Variants in PCDHA2 observed in about 807,000 individuals in gnomAD.
PCDHA2 encodes the protein protocadherin alpha-2.
PCDHA2 carries 58 observed loss-of-function variants against 66.0 expected under a neutral mutation model. The observed-to-expected ratio is 0.88, with a 90% confidence interval of 0.71 to 1.09. The LOEUF is 1.09. PCDHA2 is among the 50% of genes least tolerant of loss of function. PCDHA2 has a pLI of 0.00. For missense variants in PCDHA2, 1,267 were observed against 1,242.3 expected, an observed-to-expected ratio of 1.02 and a Z score of -0.30; for synonymous variants, 634 against 554.0, an observed-to-expected ratio of 1.14 and a Z score of -2.03.
intron 1 of PCDHA2, chr5:140,865,687 A>G (rs924237080): frequency 3.3e-5 from 5 of 152,204 alleles, no homozygotes; most frequent in African/African-American, 1.2e-4. Flanking sequence ...AGTACATATG[A>G]CTGTTCCAAT....
rs1439060369 is a variant in PCDHA2, at chr5:140,850,679, C to T, written c.2388+53327C>T. On this transcript the variant is annotated intron_variant, in intron 1 of 3. Transcript: ENST00000526136. ...TGCTGCGGTGCTCGGCGATGCCCAC[C>T]GAGGGCGAGTGCGCGCCTGGCAAGC... The T allele has an allele frequency of 1.4e-5, 22 of 1,598,378 alleles. 1 individual carries two copies. The highest frequency in any genetic ancestry group is 3.4e-5 in the Admixed American group (2 of 59,276).
In PCDHA2 at chr5:140,829,466, G is replaced by A. The variant is rs2150168443; in HGVS notation, c.2388+32114G>A. 7 of 1,613,764 alleles carry A rather than the reference G, an allele frequency of 4.3e-6. No individual in the cohort carries two copies. The Admixed American group carries it at 5.0e-5, about 12-fold the overall frequency. ...CAATGCTCCGGCGTTCGCGCAGCCC[G>A]AGTACACAGTGTTCGTGAAGGAGAA... On this transcript the variant is annotated intron_variant, in intron 1 of 3. Transcript: ENST00000526136.
At chr5:140,829,332 A>G in intron 1 of PCDHA2, 1 of 1,614,236 alleles carries the variant, frequency 6.2e-7, no homozygotes, top group Non-Finnish European at 8.5e-7. Context: ...AGTGCCCTGG[A>G]CCGCGAGAGC....
intron 1 of PCDHA2, chr5:140,842,268 A>G (rs1554138931): frequency 2.5e-6 from 4 of 1,610,534 alleles, no homozygotes. Flanking sequence ...GAAAACTTAT[A>G]CAAAATCCTC....
At chr5:140,967,057 A>T (rs1554229122) in intron 1 of PCDHA2, 1 of 1,612,704 alleles carries the variant, frequency 6.2e-7, no homozygotes, top group South Asian at 1.1e-5. Context: ...TGACGAGTGG[A>T]GCGCTCTTCG....
At chr5:140,843,846 C>A in intron 1 of PCDHA2, 3 of 993,808 alleles carry the variant, frequency 3.0e-6, no homozygotes, top group Non-Finnish European at 4.4e-6. Context: ...TTTTAGAAAC[C>A]TTTTATAATT....
At chr5:140,841,244 G>C (rs2150312365) in intron 1 of PCDHA2, 34 of 1,496,206 alleles carry the variant, frequency 2.3e-5, no homozygotes, top group South Asian at 2.7e-5. Flanking sequence ...CAGCGGAATT[G>C]GATTAAAAGA....
chr5:140,871,328 G>T (rs374687707), intron 1 of PCDHA2: 4 of 1,614,128 alleles, frequency 2.5e-6, no homozygotes, highest in African/African-American at 1.3e-5. Context: ...GTGTGCTCCC[G>T]CGCGGTGGGG....
rs1249869440 is a variant in PCDHA2, at chr5:140,805,568, T to C, written c.2388+8216T>C. The C allele has an allele frequency of 3.1e-6, 3 of 964,158 alleles. No individual in the cohort carries two copies. In the African/African-American group the frequency reaches 5.3e-5, roughly 17 times the overall value. The allele number at this position is 964,158 out of a possible 1,614,324, so 59.7% of individuals were successfully genotyped here. A position where few individuals can be genotyped will look rare whatever the true frequency, so the allele number is the denominator to read the frequency against. On this transcript the variant is annotated intron_variant, in intron 1 of 3. Transcript: ENST00000526136. Reference sequence around the variant, plus strand: ...TATGGATATAGGAGGCAAGGAAAGTTTTTAAATGGCTACCATTATGTCTTT... The same window carrying C: ...TATGGATATAGGAGGCAAGGAAAGTCTTTAAATGGCTACCATTATGTCTTT...
Position 140,875,657 on chromosome 5 carries a change from G to T in PCDHA2, c.2388+78305G>T, listed in dbSNP as rs1241102848. 6 of 1,613,738 alleles carry T rather than the reference G, an allele frequency of 3.7e-6. No homozygotes were observed. The East Asian group carries it at 1.1e-4, about 30-fold the overall frequency. Reference sequence around the variant, plus strand: ...CTGGAGCTGGCGGAGCTGGTGCCGCGCCTGTTCCGGGTGGCGTCCAAAAGA... The same window carrying T: ...CTGGAGCTGGCGGAGCTGGTGCCGCTCCTGTTCCGGGTGGCGTCCAAAAGA... On this transcript the variant is annotated intron_variant, in intron 1 of 3. Coordinates refer to ENST00000526136, the MANE Select transcript of PCDHA2 (RefSeq NM_018905.3).
chr5:140,842,208 A>C, intron 1 of PCDHA2: 1 of 1,613,638 alleles, frequency 6.2e-7, no homozygotes, highest in Non-Finnish European at 8.5e-7. Flanking sequence ...TTTAGCATAG[A>C]TCGAAATACG....
intron 3 of PCDHA2, among the ~76,000 whole-genome samples, chr5:140,999,721 G>T (rs2097872214): frequency 6.6e-6 from 1 of 152,150 alleles, no homozygotes; most frequent in South Asian, 2.1e-4. Flanking sequence ...ACGGAGACCA[G>T]CCATTCCAAT....
At chr5:140,822,934 T>G in intron 1 of PCDHA2, 10 of 1,614,238 alleles carry the variant, frequency 6.2e-6, no homozygotes, top group Non-Finnish European at 6.8e-6. Flanking sequence ...GGTGACCTGC[T>G]CCCTAATGCC....
At chr5:140,830,407 T>C in intron 1 of PCDHA2, 4 of 1,614,170 alleles carry the variant, frequency 2.5e-6, no homozygotes, top group South Asian at 2.2e-5. Flanking sequence ...TCATGGCCTT[T>C]AGCCCCAGCC....
At chr5:140,853,141 A>G in intron 1 of PCDHA2, 1 of 767,574 alleles carries the variant, frequency 1.3e-6, no homozygotes, top group Non-Finnish European at 1.6e-6. Flanking sequence ...AGCCTCCCAA[A>G]ATGCTGGGAT....
At chr5:140,928,890 CTT>C in intron 1 of PCDHA2, 1 of 1,614,182 alleles carries the variant, frequency 6.2e-7, no homozygotes, top group South Asian at 1.1e-5. Context: ...TACTTCCAGA[CTT>C]TGAAGATGTC....
Position 140,913,476 on chromosome 5 carries a change from T to G in PCDHA2, c.2389-65473T>G, listed in dbSNP as rs191224245. On this transcript the variant is annotated intron_variant, in intron 1 of 3. Transcript: ENST00000526136. ...TTTATTTACTTGGGTCTTCTCTCTT[T>G]TTTTCTTCATTAGTCTGTTTAAAAC... Among the ~76,000 whole-genome samples the G allele has an allele frequency of 5.9e-3, 899 of 152,286 alleles. 12 individuals carry two copies. Among genetic ancestry groups the G allele is most frequent in the African/African-American group, 0.02 (842 of 41,576 alleles).
intron 1 of PCDHA2, among the ~76,000 whole-genome samples, chr5:140,921,475 A>G (rs1323812887): frequency 6.6e-6 from 1 of 152,074 alleles, no homozygotes; most frequent in Non-Finnish European, 1.5e-5. Context: ...CTACCAAACC[A>G]CTCTACCTGA....
chr5:140,823,932 G>T (rs2150130492), intron 1 of PCDHA2: 2 of 1,613,980 alleles, frequency 1.2e-6, no homozygotes, highest in South Asian at 2.2e-5. Context: ...TGTACACCGC[G>T]CTGCGGTGCT....
Sources: allele counts gnomAD v4.1 joint callset (sites outside exome capture counted in the v4.1 genomes callset), GRCh38; gene constraint gnomAD v4.1.1; transcripts MANE v1.5; gene names NCBI Gene and HGNC (gene_info 2026-07-23, HGNC 2026-07-21).